The following MEF2C variants were observed in gnomAD, a reference collection of about 807,000 sequenced individuals.
MEF2C encodes myocyte-specific enhancer factor 2C.
A neutral mutation model predicts 50.5 loss-of-function variants in MEF2C; 6 were observed. The ratio of observed to expected loss-of-function variants is 0.12; its 90% CI spans 0.07 to 0.23. The LOEUF (loss-of-function observed/expected upper bound fraction) is 0.23. Ranked by LOEUF, MEF2C falls within the 10% of genes least tolerant of loss-of-function variation. The probability of loss-of-function intolerance (pLI) is 1.00; values close to 1 mark genes in which losing one functional copy is unlikely to be tolerated. For missense variants in MEF2C, 276 were observed against 605.0 expected (o/e 0.46, Z 5.70); for synonymous variants, 183 against 228.0 (o/e 0.80, Z 1.78).
At chr5:88,748,291 C>G (rs1197173199) in intron 6 of MEF2C, 2 of 619,246 alleles carry the variant, frequency 3.2e-6, no homozygotes, top group Middle Eastern at 8.0e-4. Flanking sequence ...AACCTTGTGT[C>G]ATTCATGCCT....
rs531570437 is a variant in MEF2C at position 88,842,539 on chromosome 5, T to C, written c.-142-18609A>G. Among the ~76,000 whole-genome samples the C allele has an allele frequency of 5.5e-5, 8 of 144,512 alleles. No homozygotes were observed. In the South Asian group the frequency reaches 1.1e-3, roughly 20 times the overall value. 94.8% of individuals were successfully genotyped at this position (144,512 alleles called of 152,430 possible). On this transcript the variant is annotated intron_variant, in intron 1 of 10. Coordinates refer to ENST00000504921, the MANE Select transcript of MEF2C (RefSeq NM_002397.5). ...AGTGCCATTACAAACGTCAACAATA[T>C]GGAAAAAAAAAAAGAGAAATTATAC...
Position 88,731,819 on chromosome 5 carries a change from A to T in MEF2C, c.720T>A (p.Ser240=). 1 of 1,613,270 alleles carries T rather than the reference A, an allele frequency of 6.2e-7. No homozygotes were observed. The highest frequency in any genetic ancestry group is 8.5e-7 in the Non-Finnish European group (1 of 1,179,520). The change falls in exon 7 of 11, where the codon TCT becomes TCA. Residue 240 remains serine (S), a synonymous_variant. Transcript: ENST00000504921. ...TCATTCCTAAATTCATTGGGGGAGG[A>T]GATTTTGCTTGCATATTCTTGTTCA... The part of the protein sequence containing the change: ...GNLNKNMQAK[S]PPPMNLGMNN...
chr5:88,743,379 C>G, intron 6 of MEF2C: 1 of 985,244 alleles, frequency 1.0e-6, no homozygotes, highest in Non-Finnish European at 1.2e-6. Context: ...GAAAGTCAGC[C>G]AAGAAATTTT....
intron 1 of MEF2C, among the ~76,000 whole-genome samples, chr5:88,879,956 T>A (rs1832306165): frequency 1.3e-5 from 2 of 152,056 alleles, no homozygotes; most frequent in Admixed American, 1.3e-4. Context: ...ACTCTGTTGT[T>A]CCTGGTTTTG....
intron 6 of MEF2C, chr5:88,738,518 A>G: frequency 2.3e-6 from 2 of 880,404 alleles, no homozygotes; most frequent in South Asian, 1.0e-4. Context: ...GAATTTGCTC[A>G]ATGTCAAACA....
chr5:88,771,391 A>G, intron 3 of MEF2C: 1 of 971,080 alleles, frequency 1.0e-6, no homozygotes. Flanking sequence ...TTGTCCTAGG[A>G]CACCCTATTA....
At chr5:88,802,943 A>C (rs1271873976) in intron 3 of MEF2C, among the ~76,000 whole-genome samples, 1 of 152,224 alleles carries the variant, frequency 6.6e-6, no homozygotes, top group Non-Finnish European at 1.5e-5. Context: ...TGTAATGATA[A>C]ATTCCAACTC....
At chr5:88,787,883 CTCT>C (rs1238271353) in intron 3 of MEF2C, among the ~76,000 whole-genome samples, 8 of 152,318 alleles carry the variant, frequency 5.3e-5, no homozygotes, top group African/African-American at 1.9e-4. Flanking sequence ...TTTCCATTTT[CTCT>C]TCTTCCTCAG....
Position 88,840,633 on chromosome 5 carries a change from T to G in MEF2C, c.-142-16703A>C, listed in dbSNP as rs201743930. Among the ~76,000 whole-genome samples the G allele has an allele frequency of 1.1e-4, 16 of 151,488 alleles. No individual in the cohort carries two copies. The East Asian group carries it at 2.7e-3, about 26-fold the overall frequency. ...CCACATTTTGTATTTAGAGAGTTTG[T>G]TTTTTTTTCTCCTTGGCTTCAAGAC... On this transcript the variant is annotated intron_variant, in intron 1 of 10. Transcript: ENST00000504921.
intron 1 of MEF2C, among the ~76,000 whole-genome samples, chr5:88,847,702 T>C (rs1819823707): frequency 1.3e-5 from 2 of 151,992 alleles, no homozygotes; most frequent in South Asian, 4.1e-4. Flanking sequence ...AACTTGACTA[T>C]AAAACACATG....
At chr5:88,723,755 A>G (rs1002637601) in intron 10 of MEF2C, among the ~76,000 whole-genome samples, 1 of 152,206 alleles carries the variant, frequency 6.6e-6, no homozygotes, top group African/African-American at 2.4e-5. Context: ...CTTATTTATC[A>G]TTGGCATTAG....
intron 6 of MEF2C, chr5:88,737,534 G>A (rs1057414320): frequency 2.0e-6 from 2 of 985,328 alleles, no homozygotes; most frequent in Non-Finnish European, 2.4e-6. Flanking sequence ...GTTATATCAA[G>A]GTAAATCTCA....
chr5:88,894,715 TTGATA>T (rs907948555), intron 1 of MEF2C, among the ~76,000 whole-genome samples: 1 of 152,230 alleles, frequency 6.6e-6, no homozygotes, highest in Non-Finnish European at 1.5e-5. Context: ...CAAAGTATTT[TTGATA>T]TGATTTTATA....
intron 3 of MEF2C, among the ~76,000 whole-genome samples, chr5:88,784,240 T>C (rs1394682087): frequency 2.0e-5 from 3 of 152,210 alleles, no homozygotes; most frequent in African/African-American, 7.2e-5. Context: ...ACTGTAGACA[T>C]TTCAAATCCA....
chr5:88,763,797 G>A (rs971939458), intron 3 of MEF2C, among the ~76,000 whole-genome samples: 1 of 151,786 alleles, frequency 6.6e-6, no homozygotes, highest in Non-Finnish European at 1.5e-5. Flanking sequence ...TGGTACTACA[G>A]GTGTGTGCCA....
intron 3 of MEF2C, among the ~76,000 whole-genome samples, chr5:88,766,985 G>C (rs1780335132): frequency 6.6e-6 from 1 of 152,196 alleles, no homozygotes; most frequent in Non-Finnish European, 1.5e-5. Flanking sequence ...TGTAGGAATA[G>C]GAAGTGCAGT....
At chr5:88,784,510 T>A (rs1369274062) in intron 3 of MEF2C, among the ~76,000 whole-genome samples, 2 of 152,220 alleles carry the variant, frequency 1.3e-5, no homozygotes, top group Non-Finnish European at 2.9e-5. Context: ...ATGTAGTAAT[T>A]CACGTAGTAC....
chr5:88,850,741 T>C (rs1581565666), intron 1 of MEF2C, among the ~76,000 whole-genome samples: 1 of 151,668 alleles, frequency 6.6e-6, no homozygotes, highest in Non-Finnish European at 1.5e-5. Flanking sequence ...CACACACACA[T>C]ACATATAATT....
chr5:88,798,981 C>T (rs1385762621), intron 3 of MEF2C, among the ~76,000 whole-genome samples: 2 of 152,228 alleles, frequency 1.3e-5, no homozygotes, highest in African/African-American at 4.8e-5. Flanking sequence ...GGCTGGAGAA[C>T]AGCAAAGATT....
Sources: gnomAD v4.1 joint callset for allele counts (sites outside exome capture counted in the v4.1 genomes callset) on GRCh38, gnomAD v4.1.1 for gene constraint, MANE v1.5 for transcripts, NCBI Gene and HGNC (gene_info 2026-07-23, HGNC 2026-07-21) for gene names.